NVL: variants seen among roughly 807,000 people sequenced by gnomAD.
NVL encodes the protein nuclear VCP like.
NVL carries 84 observed loss-of-function variants against 110.2 expected under a neutral mutation model. That is an observed-to-expected ratio of 0.76 (90% CI 0.64 to 0.91). The LOEUF is 0.91. NVL is among the 40% of genes least tolerant of loss of function. NVL has a pLI of 0.00. For missense variants in NVL, 882 were observed against 1,035.9 expected (o/e 0.85, Z 2.04); for synonymous variants, 354 against 361.1 (o/e 0.98, Z 0.22).
intron 6 of NVL, among the ~76,000 whole-genome samples, chr1:224,307,241 T>G (rs1448778158): frequency 6.6e-6 from 1 of 152,192 alleles, no homozygotes; most frequent in East Asian, 1.9e-4. Flanking sequence ...ACACCTGATT[T>G]GTACTTAGAG....
chr1:224,240,363 C>A (rs551521723), intron 19 of NVL, among the ~76,000 whole-genome samples: 22 of 152,250 alleles, frequency 1.4e-4, no homozygotes, highest in African/African-American at 5.1e-4. Context: ...GCCACCGTGC[C>A]CAGCCAACGC....
At chr1:224,265,288 T>C (rs1664386092) in intron 18 of NVL, among the ~76,000 whole-genome samples, 1 of 151,948 alleles carries the variant, frequency 6.6e-6, no homozygotes, top group South Asian at 2.1e-4. Context: ...GCAGATCCTC[T>C]GAGGTCAGGA....
intron 6 of NVL, chr1:224,305,479 T>TA: frequency 4.5e-6 from 1 of 220,056 alleles, no homozygotes; most frequent in African/African-American, 2.3e-5. Context: ...GCATCCCATA[T>TA]GGGGAAAAAA....
intron 22 of NVL, among the ~76,000 whole-genome samples, chr1:224,228,912 G>A (rs1277030178): frequency 9.3e-5 from 10 of 107,040 alleles, no homozygotes; most frequent in South Asian, 3.4e-4. Flanking sequence ...GCGACAGAGC[G>A]AGACTCCGTC....
intron 4 of NVL, chr1:224,313,172 A>AAAAAC: frequency 7.2e-6 from 2 of 276,922 alleles, no homozygotes; most frequent in Admixed American, 4.2e-5. Context: ...AAAAAAAAAA[A>AAAAAC]AAAAAAAACA....
chr1:224,235,605 A>C (rs999997026), intron 20 of NVL, among the ~76,000 whole-genome samples: 1 of 151,910 alleles, frequency 6.6e-6, no homozygotes, highest in African/African-American at 2.4e-5. Context: ...CTCTTCACTG[A>C]GAATCACTGC....
intron 19 of NVL, among the ~76,000 whole-genome samples, chr1:224,237,813 A>G (rs1660665752): frequency 6.8e-6 from 1 of 146,010 alleles, no homozygotes; most frequent in South Asian, 2.2e-4. Context: ...CCTAGGAGCG[A>G]TGGGGTGGCG....
chr1:224,295,121 G>A (rs1476082123), intron 11 of NVL, among the ~76,000 whole-genome samples: 1 of 152,168 alleles, frequency 6.6e-6, no homozygotes, highest in Non-Finnish European at 1.5e-5. Context: ...CAGGGAGTCT[G>A]AGGTTATTTT....
chr1:224,299,150 G>A (rs147218076), intron 10 of NVL, among the ~76,000 whole-genome samples: 13 of 152,190 alleles, frequency 8.5e-5, no homozygotes, highest in African/African-American at 2.9e-4. Context: ...TTAGCTTATC[G>A]CTAGCTGGAT....
intron 8 of NVL, among the ~76,000 whole-genome samples, chr1:224,304,230 T>G (rs1448422220): frequency 3.3e-5 from 5 of 151,984 alleles, no homozygotes; most frequent in African/African-American, 9.7e-5. Flanking sequence ...ATCAAGACCA[T>G]CCTGGCCAAC....
At chr1:224,237,730 C>CTTT (rs775411063) in intron 19 of NVL, among the ~76,000 whole-genome samples, 1 of 130,094 alleles carries the variant, frequency 7.7e-6, no homozygotes, top group Non-Finnish European at 1.6e-5. Context: ...TGCCTGGCTA[C>CTTT]TTTTTTTTTT....
intron 2 of NVL, among the ~76,000 whole-genome samples, chr1:224,324,938 C>T (rs1398932334): frequency 1.3e-5 from 2 of 152,056 alleles, no homozygotes; most frequent in Non-Finnish European, 2.9e-5. Flanking sequence ...AATATGACTG[C>T]ATTTGGAGAT....
chr1:224,270,532 T>C (rs1664979804), intron 17 of NVL, among the ~76,000 whole-genome samples: 1 of 152,138 alleles, frequency 6.6e-6, no homozygotes, highest in African/African-American at 2.4e-5. Flanking sequence ...CATTCCAGCC[T>C]GGGCGACGGA....
chr1:224,318,034 T>C (rs1300408704), intron 2 of NVL, 104 bp from the exon 3 acceptor site: 1 of 747,982 alleles, frequency 1.3e-6, no homozygotes, highest in African/African-American at 1.8e-5. Flanking sequence ...TATTTCATTG[T>C]TACAGTATAG....
intron 2 of NVL, among the ~76,000 whole-genome samples, chr1:224,321,589 A>G (rs1456792964): frequency 6.7e-6 from 1 of 150,040 alleles, no homozygotes; most frequent in East Asian, 1.9e-4. Flanking sequence ...AATAATTTTT[A>G]AATAAATTTT....
intron 22 of NVL, among the ~76,000 whole-genome samples, chr1:224,229,466 AATC>A: frequency 6.6e-6 from 1 of 151,814 alleles, no homozygotes; most frequent in South Asian, 2.1e-4. Context: ...ACGGAGTCTC[AATC>A]TGTCGCCCAG....
intron 11 of NVL, among the ~76,000 whole-genome samples, chr1:224,294,829 T>C (rs985244883): frequency 2.0e-5 from 3 of 152,134 alleles, no homozygotes; most frequent in Non-Finnish European, 4.4e-5. Context: ...TATAGGCTAA[T>C]GGAATTCTAT....
Position 224,233,181 on chromosome 1 carries a change from G to T in NVL, c.2455+20C>A. On this transcript the variant is annotated intron_variant, in intron 21 of 22. Transcript: ENST00000281701. ...TTAAGTATCATAATTAGAATTGAGAGATTCTGGAGAGAATTGTACCTTTTT... is the reference window on the plus strand; with the variant it reads ...TTAAGTATCATAATTAGAATTGAGATATTCTGGAGAGAATTGTACCTTTTT... The T allele has an allele frequency of 6.3e-7, 1 of 1,592,202 alleles. No individual in the cohort carries two copies. The highest frequency in any genetic ancestry group is 8.6e-7 in the Non-Finnish European group (1 of 1,166,782).
At chr1:224,281,480 T>C (rs1666322194) in intron 15 of NVL, among the ~76,000 whole-genome samples, 2 of 151,456 alleles carry the variant, frequency 1.3e-5, no homozygotes, top group African/African-American at 4.9e-5. Context: ...TTTTATATTT[T>C]TAGTGGAGAT....
Sources: gnomAD v4.1 joint callset for allele counts (sites outside exome capture counted in the v4.1 genomes callset) on GRCh38, gnomAD v4.1.1 for gene constraint, MANE v1.5 for transcripts, NCBI Gene and HGNC (gene_info 2026-07-23, HGNC 2026-07-21) for gene names.